The following B4GALT6 variants were observed in gnomAD, a reference collection of about 807,000 sequenced individuals.
B4GALT6 encodes UDP-Gal:beta-GlcNAc beta-1,4-galactosyltransferase 6.
In B4GALT6, 14 loss-of-function variants were observed where a neutral mutation model predicts 46.3. The ratio of observed to expected loss-of-function variants is 0.30; its 90% CI spans 0.20 to 0.47. B4GALT6 has a LOEUF of 0.47. Ranked by LOEUF, B4GALT6 falls within the 20% of genes least tolerant of loss-of-function variation. The probability of loss-of-function intolerance (pLI) is 0.99; values close to 1 mark genes in which losing one functional copy is unlikely to be tolerated. For missense variants in B4GALT6, 386 were observed against 480.1 expected (o/e 0.80, Z 1.83); for synonymous variants, 168 against 162.0 (o/e 1.04, Z -0.28).
chr18:31,673,238 G>T (rs1405260107), intron 1 of B4GALT6, among the ~76,000 whole-genome samples: 1 of 152,088 alleles, frequency 6.6e-6, no homozygotes, highest in Non-Finnish European at 1.5e-5. Flanking sequence ...GGTAGTAACG[G>T]AAGTTAGGAA....
Position 31,636,232 on chromosome 18 carries a change from C to G in B4GALT6, c.588+2412G>C, listed in dbSNP as rs549474462. Among the ~76,000 whole-genome samples the G allele has an allele frequency of 2.0e-5, 3 of 152,142 alleles. No homozygotes were observed. The East Asian group carries it at 5.8e-4, about 29-fold the overall frequency. ...GAGAAAATCATACAGAACAATTTCT[C>G]AAATATAATACAAAAAGCCCAAGCT... On this transcript the variant is annotated intron_variant, in intron 5 of 8. Transcript: ENST00000306851.
chr18:31,705,218 G>A, the B4GALT6 span, among the ~76,000 whole-genome samples: 1 of 152,240 alleles, frequency 6.6e-6, no homozygotes, highest in South Asian at 2.1e-4. Context: ...AGTGAAAGAG[G>A]ATAATACACG....
Position 31,684,401 on chromosome 18 carries a change from C to T in B4GALT6, c.26G>A (p.Arg9Gln). The part of the protein sequence containing the change: MSVLRRMM[R>Q]VSNRSLLAFI... ...GGCGAGGAGAGAGCGATTGGAAACC[C>T]GCATCATCCGCCTGAGCACAGACAT... Residue 9 changes from arginine (R) to glutamine (Q), a missense_variant, in exon 1 of 9, where the codon CGG becomes CAG. Arg to Gln is a conservative substitution (Grantham distance 43, BLOSUM62 1). Transcript: ENST00000306851. 1 of 1,613,606 alleles carries T rather than the reference C, an allele frequency of 6.2e-7. No individual in the cohort carries two copies. Among genetic ancestry groups the T allele is most frequent in the Non-Finnish European group, 8.5e-7 (1 of 1,179,776 alleles).
At position 31,664,058 on chromosome 18, in the gene B4GALT6, T is replaced by G. The variant is rs1435972789; in HGVS notation, c.232+2198A>C. ...ATTAAGTTCTAGCCAATTAAATGTA[T>G]GAAGAAATACTGTGTGGGACCTCTG... is the stretch of plus-strand genomic sequence containing the variant. On this transcript the variant is annotated intron_variant, in intron 2 of 8. Coordinates refer to ENST00000306851, the MANE Select transcript of B4GALT6 (RefSeq NM_004775.5). Among the ~76,000 whole-genome samples the G allele has an allele frequency of 2.0e-5, 3 of 152,344 alleles. No individual in the cohort carries two copies. The East Asian group carries it at 5.8e-4, about 29-fold the overall frequency.
the B4GALT6 span, chr18:31,724,201 G>A: frequency 3.6e-6 from 1 of 274,218 alleles, no homozygotes; most frequent in Non-Finnish European, 7.3e-6. Flanking sequence ...GGTTGCCAGG[G>A]GCGCCAGCGT....
chr18:31,705,532 G>A, the B4GALT6 span, among the ~76,000 whole-genome samples: 1 of 152,176 alleles, frequency 6.6e-6, no homozygotes, highest in African/African-American at 2.4e-5. Flanking sequence ...GGGATTACAG[G>A]CACCCACCAC....
chr18:31,677,709 AG>A (rs1249560075), intron 1 of B4GALT6, among the ~76,000 whole-genome samples: 2 of 152,212 alleles, frequency 1.3e-5, no homozygotes, highest in Admixed American at 1.3e-4. Flanking sequence ...CGTGTCCTTC[AG>A]GAATTAAAAA....
intron 5 of B4GALT6, among the ~76,000 whole-genome samples, chr18:31,632,018 C>T (rs2073797570): frequency 6.6e-6 from 1 of 152,052 alleles, no homozygotes; most frequent in African/African-American, 2.4e-5. Context: ...TATCAGTGAA[C>T]ATATATTAAG....
chr18:31,660,363 G>A (rs1418422636), intron 2 of B4GALT6, among the ~76,000 whole-genome samples: 1 of 152,006 alleles, frequency 6.6e-6, no homozygotes, highest in Non-Finnish European at 1.5e-5. Flanking sequence ...CTTGCTAGTG[G>A]TAGCAGCAAG....
chr18:31,630,899 T>G, intron 6 of B4GALT6, 60 bp downstream of exon 6: 3 of 1,564,268 alleles, frequency 1.9e-6, no homozygotes, highest in Non-Finnish European at 2.6e-6. Flanking sequence ...CTGCTACCAT[T>G]TCAATGCTAT....
chr18:31,688,778 C>A (rs1365905105), upstream of B4GALT6, among the ~76,000 whole-genome samples: 1 of 152,112 alleles, frequency 6.6e-6, no homozygotes, highest in East Asian at 1.9e-4. Flanking sequence ...AAATACCGGG[C>A]CTGAGGTCAC....
upstream of B4GALT6, chr18:31,684,821 G>A (rs1206826263): frequency 2.0e-6 from 2 of 989,966 alleles, no homozygotes; most frequent in South Asian, 8.1e-5. Context: ...CGCCCCTGCG[G>A]AGAGGGGCAG....
chr18:31,636,073 C>A (rs1024336119), intron 5 of B4GALT6, among the ~76,000 whole-genome samples: 1 of 152,100 alleles, frequency 6.6e-6, no homozygotes, highest in Non-Finnish European at 1.5e-5. Flanking sequence ...AATTCAATGG[C>A]GAAAACAGTC....
At chr18:31,710,580 A>G in the B4GALT6 span, among the ~76,000 whole-genome samples, 1 of 152,110 alleles carries the variant, frequency 6.6e-6, no homozygotes, top group African/African-American at 2.4e-5. Flanking sequence ...GCCACAAGAA[A>G]CGAGGAGAGA....
At chr18:31,659,487 G>A (rs1256268057) in intron 2 of B4GALT6, among the ~76,000 whole-genome samples, 18 of 152,178 alleles carry the variant, frequency 1.2e-4, no homozygotes. Flanking sequence ...GAGGGTGTTG[G>A]GACGGGCAAA....
chr18:31,705,488 A>G, the B4GALT6 span, among the ~76,000 whole-genome samples: 1 of 152,192 alleles, frequency 6.6e-6, no homozygotes, highest in East Asian at 1.9e-4. Context: ...TCCTGGGTCC[A>G]AGCGATTCTC....
At chr18:31,627,150 A>G in intron 6 of B4GALT6, 29 bp from the exon 7 acceptor site, 1 of 1,557,808 alleles carries the variant, frequency 6.4e-7, no homozygotes, top group Non-Finnish European at 8.7e-7. Flanking sequence ...GTATTCTAAA[A>G]ATAAAATCAT....
At chr18:31,708,531 C>T in the B4GALT6 span, among the ~76,000 whole-genome samples, 1 of 151,956 alleles carries the variant, frequency 6.6e-6, no homozygotes, top group East Asian at 1.9e-4. Flanking sequence ...TGCCATTTCA[C>T]TCCAGCCTGG....
chr18:31,633,990 G>C lies in B4GALT6; in HGVS notation c.589-2844C>G, dbSNP rs140758054. ...AACCGGGCTGCAGGGACCTGATAAAGTGACAGGCTGGCCTTTTCTTTTGGA... is the reference window on the plus strand; with the variant it reads ...AACCGGGCTGCAGGGACCTGATAAACTGACAGGCTGGCCTTTTCTTTTGGA... On this transcript the variant is annotated intron_variant, in intron 5 of 8. Transcript: ENST00000306851. Among the ~76,000 whole-genome samples, 722 of 152,324 alleles carry C rather than the reference G, an allele frequency of 4.7e-3. 27 individuals carry two copies. The highest frequency in any genetic ancestry group is 0.043 in the Admixed American group (663 of 15,302).
Sources: allele counts gnomAD v4.1 joint callset (sites outside exome capture counted in the v4.1 genomes callset), GRCh38; gene constraint gnomAD v4.1.1; transcripts MANE v1.5; gene names NCBI Gene and HGNC (gene_info 2026-07-23, HGNC 2026-07-21).